Variants in GARIN1A observed in about 807,000 individuals in gnomAD.
GARIN1A encodes golgi associated RAB2 interactor 1A, also known as Golgi-associated RAB2 interactor protein 1A.
chr7:128,691,787 T>C, the GARIN1A span: 1 of 152,418 alleles, frequency 6.6e-6, no homozygotes, highest in African/African-American at 2.4e-5. Context: ...CGGGACCCCT[T>C]TCCGGTAACA....
the GARIN1A span, among the ~76,000 whole-genome samples, chr7:128,677,234 G>A: frequency 1.3e-5 from 2 of 151,244 alleles, no homozygotes; most frequent in Admixed American, 6.6e-5. Flanking sequence ...TCAGCCGGGC[G>A]TGGTGGCTCA....
the GARIN1A span, chr7:128,677,666 C>T: frequency 1.1e-5 from 18 of 1,613,668 alleles, no homozygotes; most frequent in Middle Eastern, 3.3e-4. Flanking sequence ...TGAAGCTCCA[C>T]GAAAAACACC....
At chr7:128,704,925 T>C in the GARIN1A span, among the ~76,000 whole-genome samples, 1 of 152,224 alleles carries the variant, frequency 6.6e-6, no homozygotes, top group East Asian at 1.9e-4. Context: ...ATGTTCAGCA[T>C]ATTAGGACTG....
chr7:128,683,731 G>A, the GARIN1A span: 2 of 152,246 alleles, frequency 1.3e-5, no homozygotes, highest in African/African-American at 4.8e-5. Context: ...GCCTCTCAAA[G>A]GGTTAGGATT....
the GARIN1A span, among the ~76,000 whole-genome samples, chr7:128,708,179 A>ATT: frequency 2.2e-4 from 28 of 129,606 alleles, no homozygotes; most frequent in African/African-American, 5.2e-4. Context: ...CACCTGGACA[A>ATT]TTTTTTTTTT....
At chr7:128,674,720 T>C in the GARIN1A span, among the ~76,000 whole-genome samples, 1 of 152,058 alleles carries the variant, frequency 6.6e-6, no homozygotes, top group Non-Finnish European at 1.5e-5. Context: ...TGGTGGGAAA[T>C]TACATTTCAG....
At chr7:128,684,166 G>C in the GARIN1A span, 2 of 152,250 alleles carry the variant, frequency 1.3e-5, no homozygotes, top group African/African-American at 4.8e-5. Flanking sequence ...CCAGTCCAAG[G>C]CTGGCTTGGA....
At chr7:128,673,865 T>C in the GARIN1A span, among the ~76,000 whole-genome samples, 1 of 152,070 alleles carries the variant, frequency 6.6e-6, no homozygotes, top group African/African-American at 2.4e-5. Context: ...TTTCTAGTCA[T>C]TTCTATTTGG....
At chr7:128,705,211 A>G in the GARIN1A span, among the ~76,000 whole-genome samples, 1 of 152,190 alleles carries the variant, frequency 6.6e-6, no homozygotes, top group African/African-American at 2.4e-5. Context: ...ATGAACATAC[A>G]TGGAATTTGG....
At chr7:128,701,208 A>C in the GARIN1A span, among the ~76,000 whole-genome samples, 3 of 150,652 alleles carry the variant, frequency 2.0e-5, no homozygotes, top group Non-Finnish European at 4.4e-5. Flanking sequence ...ACTGTATTCC[A>C]TAGAGGGAAA....
the GARIN1A span, among the ~76,000 whole-genome samples, chr7:128,704,894 C>G: frequency 2.0e-5 from 3 of 152,156 alleles, no homozygotes; most frequent in Non-Finnish European, 2.9e-5. Context: ...GTTAGCAATT[C>G]TGAAACTACA....
chr7:128,677,791 C>G, the GARIN1A span: 1 of 1,613,492 alleles, frequency 6.2e-7, no homozygotes. Flanking sequence ...CCCAAGATGC[C>G]CACCAACTCC....
chr7:128,684,566 GA>G, the GARIN1A span: 1 of 140,372 alleles, frequency 7.1e-6, no homozygotes, highest in Non-Finnish European at 1.5e-5. Context: ...AGTGAGCTGG[GA>G]TCATGCCACT....
chr7:128,681,442 C>CCTCCT, the GARIN1A span, among the ~76,000 whole-genome samples: 1 of 116,004 alleles, frequency 8.6e-6, no homozygotes, highest in Admixed American at 9.4e-5. Flanking sequence ...TTCCCCCTCC[C>CCTCCT]CTCCTCTCCC....
At chr7:128,677,045 C>T in the GARIN1A span, among the ~76,000 whole-genome samples, 1 of 151,794 alleles carries the variant, frequency 6.6e-6, no homozygotes, top group South Asian at 2.1e-4. Flanking sequence ...GGTGTACTGG[C>T]ATACACCTGT....
At chr7:128,675,512 A>G in the GARIN1A span, 3 of 658,204 alleles carry the variant, frequency 4.6e-6, no homozygotes, top group East Asian at 2.7e-5. Context: ...CAATGACCTT[A>G]AAGTGTATTT....
At chr7:128,699,564 A>C in the GARIN1A span, among the ~76,000 whole-genome samples, 2 of 152,220 alleles carry the variant, frequency 1.3e-5, no homozygotes, top group Admixed American at 6.5e-5. Flanking sequence ...GTGCATTGCG[A>C]TCCAGATATG....
At chr7:128,677,480 C>T in the GARIN1A span, 1 of 1,377,264 alleles carries the variant, frequency 7.3e-7, no homozygotes, top group Non-Finnish European at 9.4e-7. Context: ...GCACTCTAGC[C>T]TCGGCGGCAG....
chr7:128,707,220 A>ATGTGTGTGTGTGTGTGTG, the GARIN1A span, among the ~76,000 whole-genome samples: 138 of 147,296 alleles, frequency 9.4e-4, no homozygotes, highest in African/African-American at 1.6e-3. Context: ...GTGTGTATGT[A>ATGTGTGTGTGTGTGTGTG]TGTGTGTGTG....
Sources: gnomAD v4.1 joint callset for allele counts (sites outside exome capture counted in the v4.1 genomes callset) on GRCh38, gnomAD v4.1.1 for gene constraint, MANE v1.5 for transcripts, NCBI Gene and HGNC (gene_info 2026-07-23, HGNC 2026-07-21) for gene names.